Variants in NAA11 observed in about 807,000 individuals in gnomAD.
NAA11 encodes N-alpha-acetyltransferase 11.
A neutral mutation model predicts 16.1 loss-of-function variants in NAA11; 15 were observed. The observed-to-expected ratio is 0.93, with a 90% CI of 0.62 to 1.44. The LOEUF (loss-of-function observed/expected upper bound fraction) is 1.44. Among genes scored for constraint, NAA11 ranks in the 40% most tolerant of loss-of-function variants. NAA11 has a pLI of 0.00. For synonymous variants in NAA11, 122 were observed against 112.4 expected, an observed-to-expected ratio of 1.09 and a Z score of -0.54; for missense variants, 298 against 291.3, an observed-to-expected ratio of 1.02 and a Z score of -0.17.
intron 2 of NAA11, among the ~76,000 whole-genome samples, chr4:79,273,539 A>T (rs1330246470): frequency 2.0e-5 from 3 of 152,008 alleles, no homozygotes; most frequent in Non-Finnish European, 4.4e-5. Context: ...TGTATCGGCA[A>T]GGAGGTACCA....
intron 2 of NAA11, among the ~76,000 whole-genome samples, chr4:79,269,280 G>A (rs1250815121): frequency 2.7e-5 from 4 of 148,732 alleles, no homozygotes; most frequent in African/African-American, 1.0e-4. Flanking sequence ...TCGCCACACT[G>A]ACTTCCACCA....
chr4:79,193,991 G>A, the NAA11 span, among the ~76,000 whole-genome samples: 1 of 152,150 alleles, frequency 6.6e-6, no homozygotes, highest in Non-Finnish European at 1.5e-5. Flanking sequence ...TGAAGCAACT[G>A]TGAATGGGCC....
At chr4:79,181,594 C>T in the NAA11 span, among the ~76,000 whole-genome samples, 9 of 152,160 alleles carry the variant, frequency 5.9e-5, no homozygotes, top group Non-Finnish European at 1.5e-5. Context: ...AAATTTTACT[C>T]CAGGGGCACA....
chr4:79,288,985 A>G (rs1018879836), intron 2 of NAA11, among the ~76,000 whole-genome samples: 3 of 152,228 alleles, frequency 2.0e-5, no homozygotes, highest in Non-Finnish European at 4.4e-5. Flanking sequence ...TGATGGCTAC[A>G]TAACATTCCA....
intron 1 of NAA11, among the ~76,000 whole-genome samples, chr4:79,323,075 C>T (rs1322156875): frequency 1.3e-5 from 2 of 152,116 alleles, no homozygotes; most frequent in Non-Finnish European, 2.9e-5. Context: ...AAGCCTAATG[C>T]CTGACAAATA....
intron 2 of NAA11, among the ~76,000 whole-genome samples, chr4:79,268,713 T>TA (rs397725069): frequency 7.2e-5 from 11 of 151,772 alleles, no homozygotes; most frequent in Admixed American, 2.0e-4. Flanking sequence ...TATTTTTTTT[T>TA]ATTATACTTT....
At chr4:79,257,620 A>G (rs1049568776) in intron 2 of NAA11, among the ~76,000 whole-genome samples, 1 of 152,010 alleles carries the variant, frequency 6.6e-6, no homozygotes, top group Non-Finnish European at 1.5e-5. Flanking sequence ...TGAAGCCACT[A>G]TTTCTGTGTA....
intron 2 of NAA11, among the ~76,000 whole-genome samples, chr4:79,253,061 ATTTTG>A (rs1256201762): frequency 1.3e-5 from 2 of 152,182 alleles, no homozygotes; most frequent in Admixed American, 1.3e-4. Context: ...CATGGAATAT[ATTTTG>A]AAGTTTAAGT....
chr4:79,246,084 C>T (rs1440548235), intron 2 of NAA11, among the ~76,000 whole-genome samples: 1 of 152,158 alleles, frequency 6.6e-6, no homozygotes, highest in Admixed American at 6.5e-5. Flanking sequence ...CCCCCAACCC[C>T]GTGCTCTCTG....
chr4:79,251,473 T>A (rs1212001834), intron 2 of NAA11, among the ~76,000 whole-genome samples: 1 of 152,072 alleles, frequency 6.6e-6, no homozygotes, highest in Non-Finnish European at 1.5e-5. Flanking sequence ...GGGGCCTACT[T>A]GAGAGTGGAG....
the NAA11 span, among the ~76,000 whole-genome samples, chr4:79,218,656 T>C: frequency 6.6e-6 from 1 of 152,072 alleles, no homozygotes; most frequent in Admixed American, 6.6e-5. Context: ...TCAATTCCGC[T>C]ATTTTTTAAT....
At chr4:79,194,528 A>C in the NAA11 span, among the ~76,000 whole-genome samples, 1 of 152,166 alleles carries the variant, frequency 6.6e-6, no homozygotes, top group East Asian at 1.9e-4. Context: ...GAGGTGAGAA[A>C]TTGGGCATAG....
chr4:79,324,647 TC>T (rs536499585), intron 1 of NAA11, among the ~76,000 whole-genome samples: 80 of 152,270 alleles, frequency 5.3e-4, no homozygotes, highest in Non-Finnish European at 9.3e-4. Context: ...ACTGTGCACT[TC>T]CTGTTGCATA....
intron 2 of NAA11, among the ~76,000 whole-genome samples, chr4:79,277,312 T>C (rs1229557217): frequency 1.3e-5 from 2 of 152,082 alleles, no homozygotes; most frequent in African/African-American, 4.8e-5. Flanking sequence ...TGTCATACCA[T>C]GTATCCGTAA....
At chr4:79,229,705 T>A (rs914724762) in intron 2 of NAA11, among the ~76,000 whole-genome samples, 1 of 152,130 alleles carries the variant, frequency 6.6e-6, no homozygotes. Flanking sequence ...GAGTTCTTTG[T>A]GTGTGCCATA....
At chr4:79,255,394 A>G (rs545673273) in intron 2 of NAA11, among the ~76,000 whole-genome samples, 5 of 152,030 alleles carry the variant, frequency 3.3e-5, no homozygotes, top group Non-Finnish European at 7.4e-5. Flanking sequence ...TATTTTTATT[A>G]GTATTTGTGT....
chr4:79,292,050 CAG>C (rs1183667398), intron 2 of NAA11, among the ~76,000 whole-genome samples: 1 of 152,146 alleles, frequency 6.6e-6, no homozygotes, highest in Non-Finnish European at 1.5e-5. Context: ...ACTGTGAAAA[CAG>C]AATAAATTTC....
chr4:79,295,044 G>T (rs1723178697), intron 1 of NAA11, among the ~76,000 whole-genome samples: 1 of 152,260 alleles, frequency 6.6e-6, no homozygotes, highest in African/African-American at 2.4e-5. Context: ...AAACAATAAA[G>T]AGTCTCAGAA....
chr4:79,259,650 A>G (rs2109973275), intron 2 of NAA11, among the ~76,000 whole-genome samples: 1 of 152,372 alleles, frequency 6.6e-6, no homozygotes, highest in Non-Finnish European at 1.5e-5. Context: ...AGAGGTATCC[A>G]GCCAGAAAGG....
Sources: gnomAD v4.1 joint callset for allele counts (sites outside exome capture counted in the v4.1 genomes callset) on GRCh38, gnomAD v4.1.1 for gene constraint, MANE v1.5 for transcripts, NCBI Gene and HGNC (gene_info 2026-07-23, HGNC 2026-07-21) for gene names.